The following FOCAD variants were observed in gnomAD, a reference collection of about 807,000 sequenced individuals.
FOCAD encodes KIAA1797.
In FOCAD, 198 loss-of-function variants were observed where a neutral mutation model predicts 225.6. The observed-to-expected ratio is 0.88, with a 90% CI of 0.78 to 0.99. The LOEUF (loss-of-function observed/expected upper bound fraction) is 0.99. FOCAD is among the 50% of genes least tolerant of loss of function. FOCAD has a pLI of 0.00. For missense variants in FOCAD, 2,713 were observed against 2,123.6 expected (o/e 1.28, Z -5.46); for synonymous variants, 897 against 755.0 (o/e 1.19, Z -3.08).
chr9:20,801,934 C>T (rs962872454), intron 11 of FOCAD, among the ~76,000 whole-genome samples: 1 of 152,138 alleles, frequency 6.6e-6, no homozygotes, highest in African/African-American at 2.4e-5. Flanking sequence ...GTCCCTTTGT[C>T]TGTTGAGCAC....
intron 24 of FOCAD, among the ~76,000 whole-genome samples, chr9:20,923,312 C>A (rs767459813): frequency 6.6e-6 from 1 of 151,912 alleles, no homozygotes; most frequent in Non-Finnish European, 1.5e-5. Flanking sequence ...TACAACAAAT[C>A]AATAATTTTA....
At chr9:20,868,148 A>G (rs1829450581) in intron 18 of FOCAD, among the ~76,000 whole-genome samples, 1 of 152,124 alleles carries the variant, frequency 6.6e-6, no homozygotes, top group Non-Finnish European at 1.5e-5. Context: ...GATGACCAGC[A>G]ATACCCATTG....
intron 11 of FOCAD, among the ~76,000 whole-genome samples, chr9:20,817,588 T>G (rs1436538136): frequency 6.6e-6 from 1 of 152,106 alleles, no homozygotes; most frequent in Non-Finnish European, 1.5e-5. Context: ...ATTCGTCAGT[T>G]GATGGGCATT....
chr9:20,672,776 C>G (rs930166922), intron 2 of FOCAD, among the ~76,000 whole-genome samples: 6 of 152,100 alleles, frequency 3.9e-5, no homozygotes, highest in African/African-American at 1.4e-4. Context: ...TTAAAAATAA[C>G]CAAAGAACCA....
At chr9:20,665,039 A>G (rs1315978313) in intron 2 of FOCAD, among the ~76,000 whole-genome samples, 1 of 152,116 alleles carries the variant, frequency 6.6e-6, no homozygotes, top group Non-Finnish European at 1.5e-5. Context: ...TGACTTAATT[A>G]AAAAAGGAAA....
At chr9:20,750,778 G>A (rs1293092850) in intron 5 of FOCAD, among the ~76,000 whole-genome samples, 1 of 152,066 alleles carries the variant, frequency 6.6e-6, no homozygotes, top group Admixed American at 6.6e-5. Flanking sequence ...AAAAATAGAA[G>A]TCCTTTTTTT....
At chr9:20,796,593 T>G (rs1271589104) in intron 11 of FOCAD, among the ~76,000 whole-genome samples, 1 of 152,186 alleles carries the variant, frequency 6.6e-6, no homozygotes, top group African/African-American at 2.4e-5. Flanking sequence ...TCATGTGTCT[T>G]TTGGCTGCAT....
At chr9:20,740,877 C>A (rs546757259) in intron 5 of FOCAD, among the ~76,000 whole-genome samples, 1 of 152,152 alleles carries the variant, frequency 6.6e-6, no homozygotes, top group African/African-American at 2.4e-5. Flanking sequence ...TACTACAATG[C>A]ATTGGATTTT....
At chr9:20,796,605 A>T (rs1306957008) in intron 11 of FOCAD, among the ~76,000 whole-genome samples, 1 of 152,094 alleles carries the variant, frequency 6.6e-6, no homozygotes, top group African/African-American at 2.4e-5. Context: ...TGGCTGCATA[A>T]ATGTCTTCTT....
rs904087318 is a variant in FOCAD at position 20,918,551 on chromosome 9, G to A, written c.2852+1614G>A. ...ATCCCGGCTAAAACGGTGAAACCCC[G>A]TCTCTACTAAAAATACAAAAAAATT... On this transcript the variant is annotated intron_variant, in intron 24 of 43. Transcript: ENST00000338382. Among the ~76,000 whole-genome samples, 7 of 152,000 alleles carry A rather than the reference G, an allele frequency of 4.6e-5. No homozygotes were observed. The East Asian group carries it at 1.4e-3, about 30-fold the overall frequency.
Position 20,699,669 on chromosome 9 carries a change from C to T in FOCAD, c.-33+15376C>T, listed in dbSNP as rs1435381099. On this transcript the variant is annotated intron_variant, in intron 1 of 43. Coordinates refer to ENST00000338382, the MANE Select transcript of FOCAD (RefSeq NM_001375567.1). Reference sequence around the variant, plus strand: ...AGGAGAATGGCATGAACCCAGGAGGCGGAGCTTGCAGTGAGCCGAGATCGT... The same window carrying T: ...AGGAGAATGGCATGAACCCAGGAGGTGGAGCTTGCAGTGAGCCGAGATCGT... 8.0e-5 allele frequency among the ~76,000 whole-genome samples: 11 copies of T among 137,078 alleles called. No individual in the cohort carries two copies. The East Asian group carries it at 9.8e-4, about 12-fold the overall frequency. The allele number at this position is 137,078 out of a possible 152,430, so 89.9% of individuals were successfully genotyped here. A position where few individuals can be genotyped will look rare whatever the true frequency, so the allele number is the denominator to read the frequency against.
chr9:20,978,379 C>T lies in FOCAD; in HGVS notation c.4302C>T (p.Thr1434=), dbSNP rs748896556. The T allele has an allele frequency of 2.5e-6, 4 of 1,610,852 alleles. No individual in the cohort carries two copies. Among genetic ancestry groups the T allele is most frequent in the South Asian group, 2.2e-5 (2 of 90,558 alleles). ...IQQLCLEIMV[T]QAQSSQNAAA... ...AACTGTGCCTTGAAATTATGGTGAC[C>T]CAGGCACAGTCATCCCAGAATGCAG... Residue 1434 remains threonine (T), a synonymous_variant, in exon 37 of 44, where the codon ACC becomes ACT. Transcript: ENST00000338382.
At chr9:20,980,505 A>G (rs986113587) in intron 37 of FOCAD, among the ~76,000 whole-genome samples, 5 of 152,178 alleles carry the variant, frequency 3.3e-5, no homozygotes, top group Non-Finnish European at 7.3e-5. Flanking sequence ...TTGGTTAATA[A>G]ATTAAGTTTG....
chr9:20,948,347 T>A lies in FOCAD; in HGVS notation c.3752T>A (p.Leu1251Ter). ...TGTGGACATGGAAAAGCTGAAGACT[T>A]GGGCAGCAAACTACTCCCTGCCTGG... ...SVCGHGKAEDLGSKLLPAWIR... is the reference protein window; with the variant it reads ...SVCGHGKAED The change falls in exon 31 of 44, where the codon TTG (leucine) becomes TAG (stop). Residue 1251 changes from leucine (L) to a stop codon, truncating the protein, a stop_gained. Coordinates refer to ENST00000338382, the MANE Select transcript of FOCAD (RefSeq NM_001375567.1). LOFTEE classifies it high-confidence loss of function. The A allele has an allele frequency of 6.2e-7, 1 of 1,612,756 alleles. No individual in the cohort carries two copies. The highest frequency in any genetic ancestry group is 1.1e-5 in the South Asian group (1 of 91,048).
rs773117121 is a variant in FOCAD, at chr9:20,789,407, C to T, written c.1254C>T (p.Ala418=). The change falls in exon 11 of 44, where the codon GCC becomes GCT. Residue 418 remains alanine (A), a synonymous_variant. Transcript: ENST00000338382. ...GTATGTATGGTACAATATTTACAGC[C>T]TGGAGGATTCTTGAAGTAATGACAG... The part of the protein sequence containing the change: ...VTSMYGTIFT[A]WRILEVMTDS... 51 of 1,613,886 alleles carry T rather than the reference C, an allele frequency of 3.2e-5. No individual in the cohort carries two copies. Among genetic ancestry groups the T allele is most frequent in the Non-Finnish European group, 4.2e-5 (49 of 1,179,966 alleles).
chr9:20,842,855 T>A (rs899841699), intron 15 of FOCAD, among the ~76,000 whole-genome samples: 2 of 151,976 alleles, frequency 1.3e-5, no homozygotes, highest in African/African-American at 4.8e-5. Context: ...ATATTTTAAA[T>A]TTTTACTTTT....
intron 22 of FOCAD, 42 bp downstream of exon 22, chr9:20,907,284 C>T: frequency 6.7e-7 from 1 of 1,488,310 alleles, no homozygotes; most frequent in Non-Finnish European, 9.4e-7. Flanking sequence ...CGAAATGTCT[C>T]CTTATCTCAT....
intron 15 of FOCAD, among the ~76,000 whole-genome samples, chr9:20,823,998 A>G (rs1482053702): frequency 1.3e-5 from 2 of 152,124 alleles, no homozygotes; most frequent in Admixed American, 1.3e-4. Flanking sequence ...GGATCTTGGT[A>G]TGAGAATACA....
chr9:20,799,909 T>C (rs894452283), intron 11 of FOCAD, among the ~76,000 whole-genome samples: 3 of 152,128 alleles, frequency 2.0e-5, no homozygotes, highest in Admixed American at 2.0e-4. Flanking sequence ...GCTGGTTATT[T>C]TGCTCGTTAG....
Sources: gnomAD v4.1 joint callset for allele counts (sites outside exome capture counted in the v4.1 genomes callset) on GRCh38, gnomAD v4.1.1 for gene constraint, MANE v1.5 for transcripts, NCBI Gene and HGNC (gene_info 2026-07-23, HGNC 2026-07-21) for gene names.